The following KDM4C variants were observed in gnomAD, a reference collection of about 807,000 sequenced individuals.
KDM4C encodes the protein lysine demethylase 4C.
KDM4C carries 81 observed loss-of-function variants against 129.3 expected under a neutral mutation model. That is an observed-to-expected ratio of 0.63 (90% CI 0.52 to 0.75). KDM4C has a LOEUF of 0.75. Among genes scored for constraint, KDM4C ranks in the 30% least tolerant of loss-of-function variants. The pLI is 0.00. For synonymous variants in KDM4C, 573 were observed against 456.1 expected (o/e 1.26, Z -3.26); for missense variants, 1,457 against 1,304.0 (o/e 1.12, Z -1.81).
intron 6 of KDM4C, among the ~76,000 whole-genome samples, chr9:6,882,401 T>G (rs1844592705): frequency 6.6e-6 from 1 of 152,234 alleles, no homozygotes; most frequent in African/African-American, 2.4e-5. Flanking sequence ...ATTGCTGTTA[T>G]ATTAAGTTAG....
intron 15 of KDM4C, among the ~76,000 whole-genome samples, chr9:7,023,516 T>C (rs767965833): frequency 6.6e-6 from 1 of 152,132 alleles, no homozygotes; most frequent in African/African-American, 2.4e-5. Flanking sequence ...TTATTTATTT[T>C]GATCTTCTCT....
At chr9:6,866,401 A>T (rs1294019531) in intron 5 of KDM4C, among the ~76,000 whole-genome samples, 1 of 151,850 alleles carries the variant, frequency 6.6e-6, no homozygotes. Context: ...TGAATGGGGT[A>T]TTTTCCAAAG....
chr9:6,880,197 A>T, intron 6 of KDM4C, 136 bp downstream of exon 6: 1 of 455,210 alleles, frequency 2.2e-6, no homozygotes, highest in East Asian at 3.5e-5. Context: ...ATTGACTTTT[A>T]CATGTTTTTT....
intron 19 of KDM4C, among the ~76,000 whole-genome samples, chr9:7,148,930 G>A (rs1422921445): frequency 6.6e-6 from 1 of 152,212 alleles, no homozygotes; most frequent in Non-Finnish European, 1.5e-5. Context: ...CTCACTCCCT[G>A]TTGCAGACTT....
At chr9:6,919,255 C>CTTTCTTTCTTTCTTTTCT (rs1554643790) in intron 8 of KDM4C, among the ~76,000 whole-genome samples, 1 of 122,526 alleles carries the variant, frequency 8.2e-6, no homozygotes, top group Non-Finnish European at 1.7e-5. Flanking sequence ...TCTTTTCTTT[C>CTTTCTTTCTTTCTTTTCT]TTTCTTTCTT....
At chr9:6,986,827 T>TCCTGTG in intron 11 of KDM4C, 161 bp downstream of exon 11, 1 of 560,168 alleles carries the variant, frequency 1.8e-6, no homozygotes, top group Non-Finnish European at 3.1e-6. Flanking sequence ...GAGGTAAGCC[T>TCCTGTG]CCTGTGAGCT....
At chr9:7,043,759 A>G (rs746442795) in intron 15 of KDM4C, among the ~76,000 whole-genome samples, 1 of 151,948 alleles carries the variant, frequency 6.6e-6, no homozygotes, top group East Asian at 1.9e-4. Context: ...GTACCTGGCC[A>G]TGAATATTTT....
At chr9:6,892,903 G>GA in intron 7 of KDM4C, among the ~76,000 whole-genome samples, 192 bp from the exon 8 acceptor site, 1 of 152,258 alleles carries the variant, frequency 6.6e-6, no homozygotes, top group South Asian at 2.1e-4. Flanking sequence ...TCCTATTTAG[G>GA]AAAGTCTTTT....
At chr9:7,081,084 G>A (rs1340724497) in intron 17 of KDM4C, among the ~76,000 whole-genome samples, 3 of 152,202 alleles carry the variant, frequency 2.0e-5, no homozygotes, top group Non-Finnish European at 2.9e-5. Context: ...TAAAATATTT[G>A]TAGATTCACA....
intron 1 of KDM4C, among the ~76,000 whole-genome samples, chr9:6,732,364 CAAAAAAAAAAAAAAAAAAA>C (rs66904997): frequency 0.011 from 325 of 29,998 alleles, 7 homozygotes; most frequent in African/African-American, 0.02. Context: ...GACTCTGTCT[CAAAAAAAAAAAAAAAAAAA>C]AAAAAAAAAA....
chr9:7,088,655 A>G (rs1187446250), intron 17 of KDM4C, among the ~76,000 whole-genome samples: 1 of 152,138 alleles, frequency 6.6e-6, no homozygotes, highest in Admixed American at 6.5e-5. Context: ...ATATTACAGG[A>G]GGTGCATTGT....
chr9:7,143,735 C>T (rs1322325555), intron 19 of KDM4C, among the ~76,000 whole-genome samples: 1 of 152,210 alleles, frequency 6.6e-6, no homozygotes, highest in South Asian at 2.1e-4. Context: ...GAGTTTCTGA[C>T]TTCCCTTTAA....
chr9:6,808,831 T>C (rs1485124150), intron 3 of KDM4C, among the ~76,000 whole-genome samples: 1 of 152,036 alleles, frequency 6.6e-6, no homozygotes, highest in African/African-American at 2.4e-5. Flanking sequence ...GGAGTGTCAA[T>C]GAATTTGTGG....
chr9:7,068,736 G>T (rs968514072), intron 17 of KDM4C, among the ~76,000 whole-genome samples: 7 of 114,530 alleles, frequency 6.1e-5, no homozygotes, highest in Admixed American at 1.2e-4. Context: ...TGCTCTTGTC[G>T]CCCAGGCTGG....
chr9:6,881,876 T>C (rs1167773538), intron 6 of KDM4C, among the ~76,000 whole-genome samples: 1 of 152,194 alleles, frequency 6.6e-6, no homozygotes, highest in Non-Finnish European at 1.5e-5. Context: ...AATGATAAAA[T>C]AATGCAGTGC....
At chr9:7,119,301 G>A (rs992932973) in intron 18 of KDM4C, among the ~76,000 whole-genome samples, 1 of 152,078 alleles carries the variant, frequency 6.6e-6, no homozygotes, top group Non-Finnish European at 1.5e-5. Context: ...AATATCCCAG[G>A]TGATAAAATC....
Position 6,981,018 on chromosome 9 carries a change from GA to G in KDM4C, c.1016del (p.Asp339ValfsTer18). 1 of 1,613,870 alleles carries G rather than the reference GA, an allele frequency of 6.2e-7. No individual in the cohort carries two copies. The highest frequency in any genetic ancestry group is 8.5e-7 in the Non-Finnish European group (1 of 1,179,860). On this transcript the variant is annotated frameshift_variant, in exon 9 of 22. Transcript: ENST00000381309. LOFTEE classifies it high-confidence loss of function. ...DRYQLWKQGK[D>X]IYTIDHTKPT... is the part of the protein sequence containing the mutation. ...ATATCAGCTTTGGAAACAAGGAAAG[GA>G]TATATACACCATTGATCACACGAAG... is the stretch of plus-strand genomic sequence containing the variant.
intron 8 of KDM4C, among the ~76,000 whole-genome samples, chr9:6,980,125 G>C (rs1321646524): frequency 6.6e-6 from 1 of 152,200 alleles, no homozygotes; most frequent in Non-Finnish European, 1.5e-5. Context: ...AGGTCTATCA[G>C]TTAAATCTTG....
In KDM4C at chr9:7,174,952, G is replaced by C. The variant is rs1223929825; in HGVS notation, c.*223G>C. On this transcript the variant is annotated 3_prime_UTR_variant, in exon 22 of 22. Transcript: ENST00000381309. The stretch of plus-strand genomic sequence containing the variant: ...CATCTCTAGTCTTGCTTTCACTTGT[G>C]AGCAGTTGTCTTCTATGATCCCAAA... 2.3e-6 allele frequency: 1 copy of C among 440,656 alleles called. No homozygotes were observed. Among genetic ancestry groups the C allele is most frequent in the Non-Finnish European group, 4.1e-6 (1 of 242,870 alleles). The allele number at this position is 440,656 out of a possible 1,614,324, so 27.3% of individuals were successfully genotyped here.
Sources: allele counts gnomAD v4.1 joint callset (sites outside exome capture counted in the v4.1 genomes callset), GRCh38; gene constraint gnomAD v4.1.1; transcripts MANE v1.5; gene names NCBI Gene and HGNC (gene_info 2026-07-23, HGNC 2026-07-21).